TENM2: variants seen among roughly 807,000 people sequenced by gnomAD.
TENM2 encodes teneurin transmembrane protein 2.
A neutral mutation model predicts 245.2 loss-of-function variants in TENM2; 52 were observed. The observed-to-expected ratio is 0.21, with a 90% CI of 0.17 to 0.27. The LOEUF is 0.27. Ranked by LOEUF, TENM2 falls within the 10% of genes least tolerant of loss-of-function variation. The probability of loss-of-function intolerance (pLI) is 1.00; values close to 1 mark genes in which losing one functional copy is unlikely to be tolerated. For missense variants in TENM2, 3,046 were observed against 3,666.8 expected (o/e 0.83, Z 4.37); for synonymous variants, 1,363 against 1,438.9 (o/e 0.95, Z 1.19).
intron 2 of TENM2, among the ~76,000 whole-genome samples, chr5:167,662,647 A>C (rs1755289984): frequency 6.6e-6 from 1 of 152,180 alleles, no homozygotes; most frequent in African/African-American, 2.4e-5. Context: ...CATTTGATGC[A>C]ATTAATATTT....
intron 5 of TENM2, 114 bp downstream of exon 7, chr5:167,993,296 C>A (rs1783808644): frequency 3.8e-6 from 3 of 780,350 alleles, no homozygotes; most frequent in Admixed American, 5.3e-5. Context: ...TTCTTTGCTC[C>A]TGAAAGATGT....
chr5:167,255,674 C>T, the TENM2 span, among the ~76,000 whole-genome samples: 7 of 151,898 alleles, frequency 4.6e-5, no homozygotes, highest in African/African-American at 1.7e-4. Context: ...TGTAAACTTA[C>T]GAGAAGTACA....
Position 168,157,906 on chromosome 5 carries a change from TTTG to T in TENM2, c.2423-4695_2423-4693del, listed in dbSNP as rs1222458812. On this transcript the variant is annotated intron_variant, in intron 12 of 28. Transcript: ENST00000518659. Reference sequence around the variant, plus strand: ...CAGAATATAAGGGTGTGGGTTGTTGTTTGTTGTTGTTGGTGTTGTTGTTGTTGT... The same window carrying T: ...CAGAATATAAGGGTGTGGGTTGTTGTTTGTTGTTGGTGTTGTTGTTGTTGT... Among the ~76,000 whole-genome samples, 13 of 152,130 alleles carry T rather than the reference TTTG, an allele frequency of 8.5e-5. No homozygotes were observed. The East Asian group carries it at 2.3e-3, about 27-fold the overall frequency.
At chr5:167,578,289 C>T (rs1030586293) in intron 2 of TENM2, among the ~76,000 whole-genome samples, 1 of 152,138 alleles carries the variant, frequency 6.6e-6, no homozygotes, top group Non-Finnish European at 1.5e-5. Context: ...TATATCTTCC[C>T]CTTGTAGCAA....
At chr5:167,526,553 G>GT (rs764018074) in intron 2 of TENM2, among the ~76,000 whole-genome samples, 73 of 151,714 alleles carry the variant, frequency 4.8e-4, no homozygotes, top group Non-Finnish European at 4.4e-4. Flanking sequence ...CAATTTGTTT[G>GT]TTTTTTTCTT....
At chr5:167,342,981 A>T (rs956529205) in intron 1 of TENM2, among the ~76,000 whole-genome samples, 6 of 151,116 alleles carry the variant, frequency 4.0e-5, no homozygotes, top group Non-Finnish European at 8.8e-5. Flanking sequence ...TCTATATGGG[A>T]GCGTTCTTCT....
chr5:168,148,445 A>C (rs1170797626), intron 12 of TENM2, among the ~76,000 whole-genome samples: 1 of 152,226 alleles, frequency 6.6e-6, no homozygotes, highest in Non-Finnish European at 1.5e-5. Flanking sequence ...CCTCCTGATC[A>C]GAACTACTGC....
chr5:167,119,631 T>TA, the TENM2 span: 2 of 152,130 alleles, frequency 1.3e-5, no homozygotes, highest in African/African-American at 4.8e-5. Context: ...ATAAGGGCCC[T>TA]AATCATACTC....
the TENM2 span, among the ~76,000 whole-genome samples, chr5:167,264,230 A>G: frequency 2.0e-5 from 3 of 151,956 alleles, no homozygotes; most frequent in Admixed American, 6.6e-5. Flanking sequence ...TCTATTCTAC[A>G]TGTTGTTATT....
intron 1 of TENM2, among the ~76,000 whole-genome samples, chr5:167,296,044 T>C (rs1337721249): frequency 6.6e-6 from 1 of 152,174 alleles, no homozygotes; most frequent in Non-Finnish European, 1.5e-5. Flanking sequence ...GTTTAATGCA[T>C]TTTCTCCAAG....
the TENM2 span, among the ~76,000 whole-genome samples, chr5:167,190,137 C>G: frequency 6.6e-6 from 1 of 152,000 alleles, no homozygotes; most frequent in Non-Finnish European, 1.5e-5. Flanking sequence ...ACAGGTAAGT[C>G]TCAGATCTTG....
chr5:167,380,958 A>G (rs1411545339), intron 2 of TENM2, among the ~76,000 whole-genome samples: 1 of 152,154 alleles, frequency 6.6e-6, no homozygotes, highest in East Asian at 1.9e-4. Flanking sequence ...GGTGGGAGAG[A>G]TGTGCCATGC....
At chr5:167,758,239 G>A (rs1762436293) in intron 2 of TENM2, among the ~76,000 whole-genome samples, 1 of 152,158 alleles carries the variant, frequency 6.6e-6, no homozygotes, top group Non-Finnish European at 1.5e-5. Flanking sequence ...CAGGGAGGCT[G>A]AGATTTGTCC....
chr5:167,594,157 G>A (rs1436475458), intron 2 of TENM2, among the ~76,000 whole-genome samples: 3 of 152,074 alleles, frequency 2.0e-5, no homozygotes, highest in East Asian at 3.9e-4. Context: ...TCAGTGGATT[G>A]GAAATCTGGC....
At position 167,427,561 on chromosome 5, in the gene TENM2, AGGGAAGGAAGGAAGGAC is replaced by A. The variant is rs1485648992; in HGVS notation, c.502+52100_502+52116del. Reference sequence around the variant, plus strand: ...GGAAGGAAGGGAAGGACGGGAAGGAAGGGAAGGAAGGAAGGACGGGAAGGAAGGGAAGGAAGGGACGG... The same window carrying A: ...GGAAGGAAGGGAAGGACGGGAAGGAAGGGAAGGAAGGGAAGGAAGGGACGG... On this transcript the variant is annotated intron_variant, in intron 2 of 28. Transcript: ENST00000518659. Among the ~76,000 whole-genome samples, 110 of 127,016 alleles carry A rather than the reference AGGGAAGGAAGGAAGGAC, an allele frequency of 8.7e-4. 1 individual carries two copies. The highest frequency in any genetic ancestry group is 1.8e-3 in the South Asian group (6 of 3,274). 83.3% of individuals were successfully genotyped at this position (127,016 alleles called of 152,430 possible). A position where few individuals can be genotyped will look rare whatever the true frequency, so the allele number is the denominator to read the frequency against.
the TENM2 span, among the ~76,000 whole-genome samples, chr5:167,205,762 A>G: frequency 6.6e-6 from 1 of 152,166 alleles, no homozygotes; most frequent in Non-Finnish European, 1.5e-5. Context: ...CAAGACTGAA[A>G]TCAAGGTATC....
In TENM2 at chr5:167,616,019, A is replaced by C. The variant is rs1356303050; in HGVS notation, c.502+240546A>C. On this transcript the variant is annotated intron_variant, in intron 2 of 28. Transcript: ENST00000518659. The stretch of plus-strand genomic sequence containing the variant: ...AGAATACACAATCATAAAATCATTT[A>C]ATTAAATTCCATCAATGCTGTTTGT... Among the ~76,000 whole-genome samples, 10 of 152,304 alleles carry C rather than the reference A, an allele frequency of 6.6e-5. No individual in the cohort carries two copies. In the East Asian group the frequency reaches 9.6e-4, roughly 15 times the overall value.
chr5:167,406,286 G>A (rs566611011), intron 2 of TENM2, among the ~76,000 whole-genome samples: 16 of 152,274 alleles, frequency 1.1e-4, no homozygotes, highest in Middle Eastern at 3.4e-3. Flanking sequence ...GAAATCAGCT[G>A]CTGCTTCTTT....
intron 2 of TENM2, among the ~76,000 whole-genome samples, chr5:167,540,490 T>C (rs1395244172): frequency 2.0e-5 from 3 of 152,194 alleles, no homozygotes; most frequent in Admixed American, 6.6e-5. Context: ...ATAAAAAAAA[T>C]TGTGTTGGCA....
Sources: allele counts gnomAD v4.1 joint callset (sites outside exome capture counted in the v4.1 genomes callset), GRCh38; gene constraint gnomAD v4.1.1; transcripts MANE v1.5; gene names NCBI Gene and HGNC (gene_info 2026-07-23, HGNC 2026-07-21).